Variants in MEGF11 observed in about 807,000 individuals in gnomAD.
MEGF11 encodes multiple epidermal growth factor-like domains protein 11.
MEGF11 carries 126 observed loss-of-function variants against 146.6 expected under a neutral mutation model. That is an observed-to-expected ratio of 0.86 (90% confidence interval 0.74 to 1.00). MEGF11 has a LOEUF of 1.00. Among genes scored for constraint, MEGF11 ranks in the 50% least tolerant of loss-of-function variants. MEGF11 has a pLI of 0.00. For missense variants in MEGF11, 1,509 were observed against 1,521.2 expected, an observed-to-expected ratio of 0.99 and a Z score of 0.13; for synonymous variants, 532 against 583.4, an observed-to-expected ratio of 0.91 and a Z score of 1.27.
At chr15:66,128,527 C>G (rs988683550) in intron 1 of MEGF11, 116 bp from the exon 2 acceptor site, 7 of 538,546 alleles carry the variant, frequency 1.3e-5, no homozygotes, top group African/African-American at 1.2e-4. Context: ...CAGGCTTTGA[C>G]TAACACTGTA....
At chr15:66,061,783 G>A (rs2084918247) in intron 5 of MEGF11, among the ~76,000 whole-genome samples, 1 of 152,044 alleles carries the variant, frequency 6.6e-6, no homozygotes, top group South Asian at 2.1e-4. Context: ...CTATGGGCAT[G>A]CACCAGCACA....
chr15:66,203,231 G>A (rs74707005), intron 1 of MEGF11, among the ~76,000 whole-genome samples: 6,875 of 152,278 alleles, frequency 0.045, 222 homozygotes, highest in African/African-American at 0.083. Context: ...CCTTCATGGA[G>A]GTCGGAGAGC....
At chr15:65,915,441 A>G (rs1567154027) in intron 19 of MEGF11, 29 bp downstream of exon 19, 1 of 1,608,476 alleles carries the variant, frequency 6.2e-7, no homozygotes, top group Admixed American at 1.7e-5. Context: ...CTTTCCACAG[A>G]CCCCGGGGCT....
intron 1 of MEGF11, among the ~76,000 whole-genome samples, chr15:66,175,670 T>A (rs564873084): frequency 2.8e-4 from 42 of 152,214 alleles, no homozygotes; most frequent in Admixed American, 9.2e-4. Flanking sequence ...AAAAATCAAC[T>A]CAAAATCTAT....
At chr15:66,211,030 C>G (rs1433343006) in intron 1 of MEGF11, among the ~76,000 whole-genome samples, 1 of 152,146 alleles carries the variant, frequency 6.6e-6, no homozygotes, top group African/African-American at 2.4e-5. Flanking sequence ...CCTAGGCAAC[C>G]AGCTGCCTAC....
At chr15:66,228,366 G>A (rs1276877266) in intron 1 of MEGF11, among the ~76,000 whole-genome samples, 1 of 151,954 alleles carries the variant, frequency 6.6e-6, no homozygotes, top group African/African-American at 2.4e-5. Context: ...AGCCAGACCT[G>A]CTCTTCCTCC....
At chr15:66,178,799 TG>T (rs1266557485) in intron 1 of MEGF11, among the ~76,000 whole-genome samples, 1 of 150,534 alleles carries the variant, frequency 6.6e-6, no homozygotes, top group African/African-American at 2.5e-5. Flanking sequence ...AGAAGGAGAG[TG>T]GGGGTGGGGG....
chr15:66,119,364 G>A (rs2087902239), intron 3 of MEGF11, among the ~76,000 whole-genome samples, 178 bp from the exon 4 acceptor site: 1 of 152,230 alleles, frequency 6.6e-6, no homozygotes, highest in Non-Finnish European at 1.5e-5. Context: ...GGGCTGTTGT[G>A]ATGCAGAATG....
intron 3 of MEGF11, among the ~76,000 whole-genome samples, chr15:66,122,083 C>T (rs1177509343): frequency 1.3e-5 from 2 of 151,846 alleles, no homozygotes; most frequent in Non-Finnish European, 2.9e-5. Context: ...GCCAATATGG[C>T]GAAACCCCAT....
At chr15:66,242,696 C>T (rs866848511) in intron 1 of MEGF11, among the ~76,000 whole-genome samples, 1 of 152,136 alleles carries the variant, frequency 6.6e-6, no homozygotes, top group African/African-American at 2.4e-5. Context: ...GCCCTCCTCC[C>T]CATACAAGTG....
chr15:66,029,352 G>T (rs1467478984), intron 5 of MEGF11, among the ~76,000 whole-genome samples: 1 of 152,166 alleles, frequency 6.6e-6, no homozygotes, highest in Non-Finnish European at 1.5e-5. Context: ...GGTAGGCTGA[G>T]CCTGGGTGAG....
chr15:65,958,831 AAACT>A (rs1317305337), intron 9 of MEGF11, among the ~76,000 whole-genome samples: 1 of 152,176 alleles, frequency 6.6e-6, no homozygotes, highest in African/African-American at 2.4e-5. Flanking sequence ...GGAGCAGCTC[AAACT>A]AACACACCAA....
chr15:65,990,712 G>A (rs113866017), intron 5 of MEGF11, among the ~76,000 whole-genome samples: 7,174 of 148,026 alleles, frequency 0.048, 278 homozygotes, highest in Non-Finnish European at 0.07. Context: ...AGAAAGGAAG[G>A]AAGAAAGAAA....
chr15:66,106,783 C>T (rs988920144), intron 4 of MEGF11, among the ~76,000 whole-genome samples: 4 of 152,188 alleles, frequency 2.6e-5, no homozygotes, highest in African/African-American at 9.7e-5. Flanking sequence ...CAGATATGCC[C>T]CTTCCTCAGA....
intron 1 of MEGF11, among the ~76,000 whole-genome samples, chr15:66,219,720 G>A (rs547869008): frequency 6.9e-6 from 1 of 145,800 alleles, no homozygotes; most frequent in South Asian, 2.2e-4. Flanking sequence ...AAAAAAAAAC[G>A]TATCTACCAT....
chr15:66,231,145 C>CCGG (rs1567292562), intron 1 of MEGF11, among the ~76,000 whole-genome samples: 1 of 152,180 alleles, frequency 6.6e-6, no homozygotes, highest in African/African-American at 2.4e-5. Context: ...TTCTGCAGAA[C>CCGG]TGGTGTTCCA....
intron 7 of MEGF11, among the ~76,000 whole-genome samples, chr15:65,973,796 CGGCTATAAAGCAT>C (rs1360000716): frequency 2.6e-5 from 4 of 152,094 alleles, no homozygotes; most frequent in Non-Finnish European, 5.9e-5. Flanking sequence ...AGTCAAGAAA[CGGCTATAAAGCAT>C]GTTATGTAGA....
chr15:66,236,244 T>C (rs2092088882), intron 1 of MEGF11, among the ~76,000 whole-genome samples: 1 of 152,154 alleles, frequency 6.6e-6, no homozygotes, highest in Non-Finnish European at 1.5e-5. Flanking sequence ...TACCCAAGCA[T>C]CAAGTGCAAG....
chr15:65,907,859 TTC>T (rs1292274619), intron 23 of MEGF11, among the ~76,000 whole-genome samples: 1 of 152,268 alleles, frequency 6.6e-6, no homozygotes, highest in Non-Finnish European at 1.5e-5. Context: ...TCTCCAAGTA[TTC>T]TCTCTCACTG....
Sources: allele counts gnomAD v4.1 joint callset (sites outside exome capture counted in the v4.1 genomes callset), GRCh38; gene constraint gnomAD v4.1.1; transcripts MANE v1.5; gene names NCBI Gene and HGNC (gene_info 2026-07-23, HGNC 2026-07-21).